The following RYR2 variants were observed in gnomAD, a reference collection of about 807,000 sequenced individuals.
RYR2 encodes cardiac muscle ryanodine receptor-calcium release channel.
In RYR2, 227 loss-of-function variants were observed where a neutral mutation model predicts 601.1. That is an observed-to-expected ratio of 0.38 (90% CI 0.34 to 0.42). The LOEUF (loss-of-function observed/expected upper bound fraction) is 0.42. Ranked by LOEUF, RYR2 falls within the 10% of genes least tolerant of loss-of-function variation. The pLI, the probability that RYR2 is intolerant of heterozygous loss-of-function variation, is 1.00. For missense variants in RYR2, 4,646 were observed against 6,156.5 expected, an observed-to-expected ratio of 0.75 and a Z score of 8.21; for synonymous variants, 2,223 against 2,175.1, an observed-to-expected ratio of 1.02 and a Z score of -0.61.
rs191500637 is a variant in RYR2 at position 237,741,790 on chromosome 1, C to T, written c.11092-506C>T. On this transcript the variant is annotated intron_variant, in intron 79 of 104. Transcript: ENST00000366574. ...CTAATATTTGTATTTTTAGTAGAGACAGGGTTTCACCATGTTGTTCAGGCT... is the reference window on the plus strand; with the variant it reads ...CTAATATTTGTATTTTTAGTAGAGATAGGGTTTCACCATGTTGTTCAGGCT... 3.0e-3 allele frequency among the ~76,000 whole-genome samples: 449 copies of T among 152,138 alleles called. 2 individuals are homozygous for T. The highest frequency in any genetic ancestry group is 5.1e-3 in the Non-Finnish European group (348 of 68,002).
intron 1 of RYR2, among the ~76,000 whole-genome samples, chr1:237,248,271 C>CG (rs1300529026): frequency 2.6e-5 from 2 of 77,480 alleles, no homozygotes; most frequent in Admixed American, 1.1e-4. Flanking sequence ...GACTCCACCC[C>CG]CCGCAACCCC....
At chr1:237,676,751 T>C (rs1034976866) in intron 60 of RYR2, among the ~76,000 whole-genome samples, 2 of 152,210 alleles carry the variant, frequency 1.3e-5, no homozygotes, top group African/African-American at 4.8e-5. Flanking sequence ...AGTAAAAATA[T>C]GCATATGCCT....
chr1:237,436,664 C>T (rs918721809), intron 12 of RYR2, among the ~76,000 whole-genome samples: 2 of 151,130 alleles, frequency 1.3e-5, no homozygotes, highest in African/African-American at 4.9e-5. Context: ...TAACTTTAAT[C>T]ATTATTTGTC....
At chr1:237,199,872 T>C (rs1680986169) in intron 1 of RYR2, among the ~76,000 whole-genome samples, 2 of 152,166 alleles carry the variant, frequency 1.3e-5, no homozygotes, top group Non-Finnish European at 2.9e-5. Context: ...AATTAAATGA[T>C]ATGTTATCTA....
At chr1:237,659,765 A>G (rs1357633440) in intron 54 of RYR2, among the ~76,000 whole-genome samples, 1 of 152,218 alleles carries the variant, frequency 6.6e-6, no homozygotes, top group African/African-American at 2.4e-5. Flanking sequence ...TGTCCATGTA[A>G]CAAAACTGCA....
chr1:237,367,832 G>C (rs1700326567), intron 5 of RYR2, among the ~76,000 whole-genome samples: 1 of 152,038 alleles, frequency 6.6e-6, no homozygotes, highest in African/African-American at 2.4e-5. Context: ...TCCTTACTCA[G>C]CCTGAAGTGA....
At chr1:237,350,396 T>G (rs1214567085) in intron 3 of RYR2, among the ~76,000 whole-genome samples, 1 of 150,842 alleles carries the variant, frequency 6.6e-6, no homozygotes. Flanking sequence ...GTGGGGAAAC[T>G]CTGTCTCTGC....
At chr1:237,451,383 C>CTGCTTT (rs1303165331) in intron 14 of RYR2, among the ~76,000 whole-genome samples, 3 of 151,896 alleles carry the variant, frequency 2.0e-5, no homozygotes, top group African/African-American at 7.3e-5. Flanking sequence ...AGCAGCCTGG[C>CTGCTTT]CAACAGGGAT....
At chr1:237,722,533 A>T (rs2149122037) in intron 73 of RYR2, among the ~76,000 whole-genome samples, 1 of 150,762 alleles carries the variant, frequency 6.6e-6, no homozygotes, top group African/African-American at 2.4e-5. Flanking sequence ...TCCCGGGTTC[A>T]CGCTGTTCTC....
chr1:237,607,730 A>C (rs1677303615), intron 35 of RYR2, among the ~76,000 whole-genome samples: 1 of 152,196 alleles, frequency 6.6e-6, no homozygotes, highest in Admixed American at 6.5e-5. Flanking sequence ...AGCTTTTCGA[A>C]ATTCAGGAAA....
At chr1:237,634,801 T>C (rs1573245849) in intron 43 of RYR2, 88 bp from the exon 44 acceptor site, 1 of 960,232 alleles carries the variant, frequency 1.0e-6, no homozygotes, top group East Asian at 2.6e-5. Flanking sequence ...TGTTTAGAAA[T>C]TAAATTTTAA....
rs556961489 is a variant in RYR2, at chr1:237,106,657, A to G, written c.48+64088A>G. 4.4e-4 allele frequency among the ~76,000 whole-genome samples: 67 copies of G among 152,206 alleles called. No homozygotes were observed. The highest frequency in any genetic ancestry group is 9.6e-4 in the Non-Finnish European group (65 of 68,038). On this transcript the variant is annotated intron_variant, in intron 1 of 104. Coordinates refer to ENST00000366574, the MANE Select transcript of RYR2 (RefSeq NM_001035.3). This position sits in a 1 kb window ranked among gnomAD's most constrained non-coding sequence, Gnocchi z 4.4. ...AAATGGATTTCTCAGTGTGATGTGTATACAGTGTCCCTTTTTCAGACATGG... is the reference window on the plus strand; with the variant it reads ...AAATGGATTTCTCAGTGTGATGTGTGTACAGTGTCCCTTTTTCAGACATGG...
chr1:237,298,233 C>T (rs1693003544), intron 2 of RYR2, among the ~76,000 whole-genome samples: 1 of 152,124 alleles, frequency 6.6e-6, no homozygotes, highest in Non-Finnish European at 1.5e-5. Context: ...CACCTGGATG[C>T]AGGCATTGTG....
intron 11 of RYR2, 74 bp from the exon 12 acceptor site, chr1:237,423,018 C>T (rs969987528): frequency 8.9e-5 from 134 of 1,499,560 alleles, no homozygotes; most frequent in South Asian, 2.8e-4. Flanking sequence ...GTTCATTGTC[C>T]GACATATGTT....
chr1:237,542,102 ATTTATTTT>A (rs1669349852), intron 25 of RYR2, among the ~76,000 whole-genome samples: 1 of 138,302 alleles, frequency 7.2e-6, no homozygotes, highest in South Asian at 2.3e-4. Flanking sequence ...TTATTTATTT[ATTTATTTT>A]GAGACAGAGT....
At chr1:237,791,100 C>T (rs1249104235) in intron 92 of RYR2, among the ~76,000 whole-genome samples, 1 of 152,290 alleles carries the variant, frequency 6.6e-6, no homozygotes, top group Middle Eastern at 3.4e-3. Flanking sequence ...CAAAGCTTAC[C>T]TCCTGAGATA....
At chr1:237,118,904 G>T (rs79964383) in intron 1 of RYR2, among the ~76,000 whole-genome samples, 2 of 150,606 alleles carry the variant, frequency 1.3e-5, no homozygotes, top group Non-Finnish European at 3.0e-5. Context: ...TTTTTTAAAA[G>T]ACCTAATTCA....
At chr1:237,214,781 T>G (rs547281686) in intron 1 of RYR2, among the ~76,000 whole-genome samples, 1 of 152,226 alleles carries the variant, frequency 6.6e-6, no homozygotes, top group Admixed American at 6.5e-5. Context: ...CCTTTGCCTT[T>G]TCATGAATGT....
intron 29 of RYR2, among the ~76,000 whole-genome samples, chr1:237,574,422 T>G (rs1673020046): frequency 6.6e-6 from 1 of 152,182 alleles, no homozygotes; most frequent in Non-Finnish European, 1.5e-5. Flanking sequence ...TCACACCATT[T>G]TATATAACCC....
Sources: allele counts gnomAD v4.1 joint callset (sites outside exome capture counted in the v4.1 genomes callset), GRCh38; gene constraint gnomAD v4.1.1; non-coding constraint Gnocchi (gnomAD v3.1); transcripts MANE v1.5; gene names NCBI Gene and HGNC (gene_info 2026-07-23, HGNC 2026-07-21).